Variants in MYO9A observed in about 807,000 individuals in gnomAD.
The protein encoded by MYO9A is myosin IXA.
A neutral mutation model predicts 293.3 loss-of-function variants in MYO9A; 103 were observed. The observed-to-expected ratio is 0.35, with a 90% CI of 0.30 to 0.41. The LOEUF (loss-of-function observed/expected upper bound fraction) is 0.41, where lower values mean the gene tolerates loss of function less well. Among genes scored for constraint, MYO9A ranks in the 10% least tolerant of loss-of-function variants. The probability of loss-of-function intolerance (pLI) is 1.00; values close to 1 mark genes in which losing one functional copy is unlikely to be tolerated. For missense variants in MYO9A, 2,685 were observed against 3,033.0 expected (o/e 0.89, Z 2.69); for synonymous variants, 1,001 against 1,035.7 (o/e 0.97, Z 0.64).
chr15:72,069,976 AT>A (rs1338850076), intron 1 of MYO9A, among the ~76,000 whole-genome samples: 1 of 151,538 alleles, frequency 6.6e-6, no homozygotes, highest in Non-Finnish European at 1.5e-5. Flanking sequence ...AAAAAAAAAA[AT>A]TAGCTGGGCA....
chr15:71,938,867 T>C lies in MYO9A; in HGVS notation c.2363A>G (p.Asn788Ser). 1.2e-6 allele frequency: 2 copies of C among 1,610,268 alleles called. No individual in the cohort carries two copies. The highest frequency in any genetic ancestry group is 1.7e-5 in the Admixed American group (1 of 59,520). ...LSDLQGMNAL[N>S]EKNQHDTFDI... ...ACACACTTACTGTTGGTTTTTTTCATTTAGAGCATTCATGCCCTGGAGATC... is the reference window on the plus strand; with the variant it reads ...ACACACTTACTGTTGGTTTTTTTCACTTAGAGCATTCATGCCCTGGAGATC... The change falls in exon 16 of 42, where the codon AAT becomes AGT. Residue 788 changes from asparagine (N) to serine (S), a missense_variant. By Grantham distance (46) the Asn-to-Ser change is conservative. Transcript: ENST00000356056.
chr15:72,097,182 T>C (rs547101989), intron 1 of MYO9A, among the ~76,000 whole-genome samples: 1 of 152,238 alleles, frequency 6.6e-6, no homozygotes, highest in African/African-American at 2.4e-5. Context: ...TGGCACTGCA[T>C]GCTACAGACA....
intron 39 of MYO9A, among the ~76,000 whole-genome samples, chr15:71,844,956 G>A (rs922996702): frequency 1.3e-5 from 2 of 152,282 alleles, no homozygotes; most frequent in African/African-American, 4.8e-5. Context: ...GTGTGAGGAG[G>A]AGGAACTATG....
rs2057391734 is a variant in MYO9A at position 71,898,379 on chromosome 15, C to T, written c.4124G>A (p.Ser1375Asn). 1 of 1,613,614 alleles carries T rather than the reference C, an allele frequency of 6.2e-7. No individual in the cohort carries two copies. Among genetic ancestry groups the T allele is most frequent in the Non-Finnish European group, 8.5e-7 (1 of 1,180,036 alleles). Residue 1375 changes from serine to asparagine, a missense_variant, in exon 25 of 42, where the codon AGT (serine) becomes AAT (asparagine). By Grantham distance (46) the Ser-to-Asn change is conservative. Coordinates refer to ENST00000356056, the MANE Select transcript of MYO9A (RefSeq NM_006901.4). ...TGCACTGCTAGTCTCATTTGAGGCA[C>T]TGAGGGCATTGTCCCGTGAATCAAA... is the stretch of plus-strand genomic sequence containing the variant. Reference protein sequence around the residue: ...PKFDSRDNALSASNETSSAEH... With the variant: ...PKFDSRDNALNASNETSSAEH...
At chr15:71,913,845 A>T (rs929975902) in intron 19 of MYO9A, among the ~76,000 whole-genome samples, 3 of 150,982 alleles carry the variant, frequency 2.0e-5, no homozygotes, top group African/African-American at 7.3e-5. Context: ...TTGCTAAAAC[A>T]TTGTCTTTCT....
intron 6 of MYO9A, among the ~76,000 whole-genome samples, chr15:72,018,363 G>A (rs945341603): frequency 3.3e-5 from 5 of 152,154 alleles, no homozygotes; most frequent in Non-Finnish European, 7.4e-5. Flanking sequence ...AGCTACTTGG[G>A]AGGCTGAGGC....
chr15:72,051,357 C>T (rs2078557151), intron 1 of MYO9A, among the ~76,000 whole-genome samples: 1 of 152,148 alleles, frequency 6.6e-6, no homozygotes. Context: ...TCTGAGTTGA[C>T]AGGGCAGGAG....
At chr15:72,057,333 A>C (rs950118794) in intron 1 of MYO9A, among the ~76,000 whole-genome samples, 10 of 152,192 alleles carry the variant, frequency 6.6e-5, no homozygotes, top group Non-Finnish European at 1.0e-4. Context: ...TTCCCCAAAA[A>C]ACTATGAAAA....
At position 71,897,928 on chromosome 15, in the gene MYO9A, C is replaced by G; in HGVS notation, c.4575G>C (p.Lys1525Asn). 1 of 1,614,174 alleles carries G rather than the reference C, an allele frequency of 6.2e-7. No individual in the cohort carries two copies. Among genetic ancestry groups the G allele is most frequent in the Non-Finnish European group, 8.5e-7 (1 of 1,180,036 alleles). ...CAATTGTCTTGAAGGCTTTGCGCTCCTTCTCTAAAATATCTGTTTGCTGGC... is the reference window on the plus strand; with the variant it reads ...CAATTGTCTTGAAGGCTTTGCGCTCGTTCTCTAAAATATCTGTTTGCTGGC... ...QIRQQTDILE[K>N]ERKAFKTIEK... The change falls in exon 25 of 42, where the codon AAG becomes AAC. Residue 1525 changes from lysine (K) to asparagine (N), a missense_variant. This residue lies in a region of MYO9A where 1,434 missense variants were observed against 1,497.7 expected (regional missense o/e 0.96). Transcript: ENST00000356056.
At chr15:71,940,774 T>C (rs1381095585) in intron 15 of MYO9A, among the ~76,000 whole-genome samples, 2 of 152,054 alleles carry the variant, frequency 1.3e-5, no homozygotes, top group South Asian at 4.1e-4. Flanking sequence ...AAAATTAACA[T>C]GGAAATACAA....
intron 2 of MYO9A, among the ~76,000 whole-genome samples, chr15:72,034,442 G>A (rs1034782877): frequency 6.6e-6 from 1 of 152,146 alleles, no homozygotes; most frequent in Non-Finnish European, 1.5e-5. Flanking sequence ...AAAATCTCCA[G>A]AAATGTCCCT....
Position 71,830,539 on chromosome 15 carries a change from G to C in MYO9A, c.6838-228C>G, listed in dbSNP as rs139511712. 3.3e-3 allele frequency among the ~76,000 whole-genome samples: 510 copies of C among 152,294 alleles called. 3 individuals are homozygous for C. The highest frequency in any genetic ancestry group is 0.012 in the African/African-American group (498 of 41,562). On this transcript the variant is annotated intron_variant, in intron 39 of 41. Transcript: ENST00000356056. Reference sequence around the variant, plus strand: ...AACGGATACTTTGGTAGGTGGGAGTGTAAGAACCCATTGTGTACTGAGATG... The same window carrying C: ...AACGGATACTTTGGTAGGTGGGAGTCTAAGAACCCATTGTGTACTGAGATG...
intron 11 of MYO9A, among the ~76,000 whole-genome samples, chr15:71,989,350 G>A (rs1286408237): frequency 6.6e-6 from 1 of 152,138 alleles, no homozygotes. Context: ...AGAACTAAGA[G>A]ACCAAAGCAA....
intron 13 of MYO9A, among the ~76,000 whole-genome samples, chr15:71,966,245 G>A (rs773981165): frequency 1.1e-4 from 15 of 142,214 alleles, no homozygotes; most frequent in African/African-American, 2.2e-4. Flanking sequence ...ATCTGATAAC[G>A]CAGATGAATA....
chr15:72,072,104 C>A lies in MYO9A; in HGVS notation c.-71-25470G>T, dbSNP rs554939205. On this transcript the variant is annotated intron_variant, in intron 1 of 41. Transcript: ENST00000356056. ...AAAAAAAAAAAGTATATATAATATA[C>A]ATAAAAGAGAAAAAAGATACCTACA... Among the ~76,000 whole-genome samples the A allele has an allele frequency of 1.4e-4, 20 of 147,742 alleles. No homozygotes were observed. The East Asian group carries it at 3.6e-3, about 27-fold the overall frequency.
intron 1 of MYO9A, among the ~76,000 whole-genome samples, chr15:72,087,700 C>G (rs1252921141): frequency 6.6e-6 from 1 of 152,160 alleles, no homozygotes; most frequent in Non-Finnish European, 1.5e-5. Context: ...TTGTCCCAGT[C>G]CCTCAGTGGC....
chr15:72,096,482 A>G (rs969940015), intron 1 of MYO9A, among the ~76,000 whole-genome samples: 1 of 152,218 alleles, frequency 6.6e-6, no homozygotes, highest in Admixed American at 6.5e-5. Flanking sequence ...GCTCAGAAAA[A>G]TAAGATTCCT....
At chr15:72,008,984 G>A (rs761527871) in intron 7 of MYO9A, among the ~76,000 whole-genome samples, 2 of 152,138 alleles carry the variant, frequency 1.3e-5, no homozygotes, top group African/African-American at 2.4e-5. Context: ...GAGAGGTACT[G>A]AATCACCATC....
chr15:71,995,142 T>C (rs915671281), intron 9 of MYO9A, among the ~76,000 whole-genome samples: 4 of 152,188 alleles, frequency 2.6e-5, no homozygotes, highest in Admixed American at 6.5e-5. Context: ...GTTCAAAACA[T>C]GTTTATTAAA....
Sources: gnomAD v4.1 joint callset for allele counts (sites outside exome capture counted in the v4.1 genomes callset) on GRCh38, gnomAD v4.1.1 for gene constraint, gnomAD v4.1.1 regional missense constraint, MANE v1.5 for transcripts, NCBI Gene and HGNC (gene_info 2026-07-23, HGNC 2026-07-21) for gene names.